EPHA3: variants seen among roughly 807,000 people sequenced by gnomAD.
EPHA3 encodes the protein EPH receptor A3, also known as ephrin type-A receptor 3.
EPHA3 carries 42 observed loss-of-function variants against 107.1 expected under a neutral mutation model. That is an observed-to-expected ratio of 0.39 (90% CI 0.31 to 0.51). The LOEUF is 0.51. Ranked by LOEUF, EPHA3 falls within the 20% of genes least tolerant of loss-of-function variation. The probability of loss-of-function intolerance (pLI) is 0.78; values close to 1 mark genes in which losing one functional copy is unlikely to be tolerated. For synonymous variants in EPHA3, 461 were observed against 424.8 expected (o/e 1.09, Z -1.05); for missense variants, 1,183 against 1,211.2 (o/e 0.98, Z 0.35).
intron 2 of EPHA3, among the ~76,000 whole-genome samples, chr3:89,209,310 AT>A (rs1253860031): frequency 4.6e-5 from 7 of 151,560 alleles, no homozygotes; most frequent in Non-Finnish European, 5.9e-5. Context: ...TTTACTTCAA[AT>A]TTTTTTTTCA....
chr3:89,122,483 A>G (rs1344288611), intron 1 of EPHA3, among the ~76,000 whole-genome samples: 1 of 152,240 alleles, frequency 6.6e-6, no homozygotes, highest in Non-Finnish European at 1.5e-5. Context: ...AAATGCAACT[A>G]TAGCCTTACC....
At chr3:89,154,400 AT>A (rs141983131) in intron 2 of EPHA3, among the ~76,000 whole-genome samples, 2 of 151,238 alleles carry the variant, frequency 1.3e-5, no homozygotes, top group East Asian at 3.9e-4. Flanking sequence ...TTTCTCCATG[AT>A]TTTTTTTCAG....
intron 3 of EPHA3, among the ~76,000 whole-genome samples, chr3:89,268,215 C>T (rs1705583625): frequency 6.6e-6 from 1 of 152,080 alleles, no homozygotes; most frequent in Non-Finnish European, 1.5e-5. Context: ...AGTAGTAGCA[C>T]AGGGTGGTGT....
chr3:89,328,102 A>G (rs1707208471), intron 3 of EPHA3, among the ~76,000 whole-genome samples: 1 of 152,114 alleles, frequency 6.6e-6, no homozygotes, highest in African/African-American at 2.4e-5. Flanking sequence ...CATCTCAAAA[A>G]AAGAAAAAAA....
At chr3:89,333,809 T>A (rs1707341372) in intron 3 of EPHA3, among the ~76,000 whole-genome samples, 1 of 151,930 alleles carries the variant, frequency 6.6e-6, no homozygotes, top group Non-Finnish European at 1.5e-5. Flanking sequence ...GAGGCAGAGC[T>A]TGCAGCAAGC....
intron 2 of EPHA3, among the ~76,000 whole-genome samples, chr3:89,157,690 T>G (rs1354717266): frequency 2.0e-5 from 3 of 151,982 alleles, no homozygotes; most frequent in African/African-American, 7.2e-5. Context: ...GATGTATGTA[T>G]ATTGATTTCA....
At chr3:89,113,856 C>A (rs1347563157) in intron 1 of EPHA3, among the ~76,000 whole-genome samples, 2 of 152,072 alleles carry the variant, frequency 1.3e-5, no homozygotes, top group Non-Finnish European at 2.9e-5. Flanking sequence ...TGCTAAAATG[C>A]TTCCCCCTTT....
At position 89,444,699 on chromosome 3, in the gene EPHA3, A is replaced by G. The variant is rs547951017; in HGVS notation, c.2347-4526A>G. ...GCAGACACTTTTTAAATGGCTTTAT[A>G]TATATTATAAATTCATGACAAATGA... On this transcript the variant is annotated intron_variant, in intron 13 of 16. Transcript: ENST00000336596. Among the ~76,000 whole-genome samples the G allele has an allele frequency of 2.0e-5, 3 of 152,220 alleles. No individual in the cohort carries two copies. In the South Asian group the frequency reaches 6.2e-4, roughly 32 times the overall value.
At chr3:89,466,437 C>A (rs1241111668) in intron 15 of EPHA3, among the ~76,000 whole-genome samples, 4 of 122,394 alleles carry the variant, frequency 3.3e-5, no homozygotes, top group African/African-American at 9.9e-5. Context: ...AGCCTCGTTG[C>A]CGCCTTGCAG....
intron 15 of EPHA3, among the ~76,000 whole-genome samples, chr3:89,458,642 GT>G (rs1286249708): frequency 1.3e-5 from 2 of 152,146 alleles, no homozygotes; most frequent in African/African-American, 4.8e-5. Flanking sequence ...CACCAACAGT[GT>G]AAAAGCATTC....
intron 2 of EPHA3, among the ~76,000 whole-genome samples, chr3:89,175,035 A>C (rs568807115): frequency 6.6e-6 from 1 of 151,900 alleles, no homozygotes; most frequent in African/African-American, 2.4e-5. Flanking sequence ...AAAATCTGGT[A>C]ACAATAGGTT....
intron 2 of EPHA3, among the ~76,000 whole-genome samples, chr3:89,199,579 A>C (rs1175134031): frequency 6.6e-6 from 1 of 152,104 alleles, no homozygotes; most frequent in African/African-American, 2.4e-5. Context: ...TAAATCTTTG[A>C]ATACTTTTAA....
chr3:89,122,550 T>C (rs573365563), intron 1 of EPHA3, among the ~76,000 whole-genome samples: 1 of 152,128 alleles, frequency 6.6e-6, no homozygotes, highest in Non-Finnish European at 1.5e-5. Context: ...AGTAAAAAAC[T>C]GTGGCATTTA....
At chr3:89,181,023 A>C (rs1479968389) in intron 2 of EPHA3, among the ~76,000 whole-genome samples, 1 of 152,012 alleles carries the variant, frequency 6.6e-6, no homozygotes, top group Non-Finnish European at 1.5e-5. Context: ...TAGTATGAAA[A>C]TTTATTTTCA....
rs1208047516 is a variant in EPHA3 at position 89,392,259 on chromosome 3, C to T, written c.1307-3578C>T. On this transcript the variant is annotated intron_variant, in intron 5 of 16. Coordinates refer to ENST00000336596, the MANE Select transcript of EPHA3 (RefSeq NM_005233.6). ...GTTCGAGACCAGCCTTGCCAACATGCGAAACCCTGTCTCTACTAAAAATAC... is the reference window on the plus strand; with the variant it reads ...GTTCGAGACCAGCCTTGCCAACATGTGAAACCCTGTCTCTACTAAAAATAC... 5.9e-5 allele frequency among the ~76,000 whole-genome samples: 9 copies of T among 152,002 alleles called. No homozygotes were observed. In the East Asian group the frequency reaches 1.6e-3, roughly 26 times the overall value.
Position 89,378,246 on chromosome 3 carries a change from G to A in EPHA3, c.1307-17591G>A, listed in dbSNP as rs190899071. Reference sequence around the variant, plus strand: ...GGGGACGTTCTACACATGTATCCTAGAACTTAAAGTATAATAAAAAATTTT... The same window carrying A: ...GGGGACGTTCTACACATGTATCCTAAAACTTAAAGTATAATAAAAAATTTT... On this transcript the variant is annotated intron_variant, in intron 5 of 16. Coordinates refer to ENST00000336596, the MANE Select transcript of EPHA3 (RefSeq NM_005233.6). Among the ~76,000 whole-genome samples the A allele has an allele frequency of 2.6e-3, 395 of 152,146 alleles. 3 individuals carry two copies. The highest frequency in any genetic ancestry group is 9.0e-3 in the African/African-American group (372 of 41,514).
intron 3 of EPHA3, among the ~76,000 whole-genome samples, chr3:89,291,470 T>A (rs1022782043): frequency 1.3e-5 from 2 of 152,092 alleles, no homozygotes; most frequent in African/African-American, 4.8e-5. Context: ...GACAGATATA[T>A]AGAGATATAG....
intron 2 of EPHA3, among the ~76,000 whole-genome samples, chr3:89,181,844 C>T (rs927736935): frequency 6.6e-6 from 1 of 151,928 alleles, no homozygotes; most frequent in Non-Finnish European, 1.5e-5. Flanking sequence ...GAGTGAAAGT[C>T]TTCAAAGTAA....
chr3:89,471,319 T>C (rs984596626), intron 15 of EPHA3, among the ~76,000 whole-genome samples: 1 of 152,152 alleles, frequency 6.6e-6, no homozygotes, highest in African/African-American at 2.4e-5. Flanking sequence ...TATAGATAGA[T>C]GTTTAGGCCT....
Sources: gnomAD v4.1 joint callset for allele counts (sites outside exome capture counted in the v4.1 genomes callset) on GRCh38, gnomAD v4.1.1 for gene constraint, MANE v1.5 for transcripts, NCBI Gene and HGNC (gene_info 2026-07-23, HGNC 2026-07-21) for gene names.